SDK1: variants seen among roughly 807,000 people sequenced by gnomAD.
SDK1 encodes protein sidekick-1.
Under a neutral mutation model 245.5 loss-of-function variants are expected in SDK1, and 157 were observed. That is an observed-to-expected ratio of 0.64 (90% CI 0.56 to 0.73). SDK1 has a LOEUF of 0.73. Among genes scored for constraint, SDK1 ranks in the 30% least tolerant of loss-of-function variants. SDK1 has a pLI of 0.00. For missense variants in SDK1, 3,583 were observed against 3,002.3 expected (o/e 1.19, Z -4.52); for synonymous variants, 1,647 against 1,278.5 (o/e 1.29, Z -6.15).
chr7:3,707,372 T>G (rs1433829893), intron 4 of SDK1, among the ~76,000 whole-genome samples: 1 of 152,264 alleles, frequency 6.6e-6, no homozygotes, highest in East Asian at 1.9e-4. Flanking sequence ...AGGTTCCTTT[T>G]GTAGTTCATT....
At chr7:4,143,623 C>T (rs186907036) in intron 28 of SDK1, among the ~76,000 whole-genome samples, 17 of 152,284 alleles carry the variant, frequency 1.1e-4, no homozygotes, top group South Asian at 2.1e-4. Context: ...TTGAAGGGCC[C>T]GCTAGCTTCT....
intron 5 of SDK1, among the ~76,000 whole-genome samples, chr7:3,823,372 A>C (rs1228892129): frequency 6.6e-6 from 1 of 152,198 alleles, no homozygotes; most frequent in African/African-American, 2.4e-5. Flanking sequence ...GAAATTCTGC[A>C]TCAGAAACAA....
At chr7:3,844,045 A>C (rs1780220134) in intron 5 of SDK1, among the ~76,000 whole-genome samples, 1 of 152,102 alleles carries the variant, frequency 6.6e-6, no homozygotes, top group South Asian at 2.1e-4. Context: ...ATCTCTACTC[A>C]CTGCAACCTC....
At chr7:3,350,198 T>C (rs1562432721) in intron 1 of SDK1, among the ~76,000 whole-genome samples, 1 of 152,136 alleles carries the variant, frequency 6.6e-6, no homozygotes, top group Non-Finnish European at 1.5e-5. Context: ...ACTCAGTCTA[T>C]CAGAAAACAT....
rs745992082 is a variant in SDK1, at chr7:4,077,072, G to T, written c.3085G>T (p.Glu1029Ter). The change falls in exon 21 of 45, where the codon GAG becomes TAG. Residue 1029 changes from glutamate (E) to a stop codon, truncating the protein, a stop_gained. Transcript: ENST00000404826. LOFTEE classifies it high-confidence loss of function. ...LTHTLNSTTHEYKIQGLSSLT... is the reference protein window; with the variant it reads ...LTHTLNSTTH ...GCACACCCTGAACAGCACGACGCAC[G>T]AGTACAAGATCCAAGGCCTCTCATC... The T allele has an allele frequency of 3.1e-6, 5 of 1,614,184 alleles. No individual in the cohort carries two copies. Among genetic ancestry groups the T allele is most frequent in the Non-Finnish European group, 4.2e-6 (5 of 1,180,032 alleles).
rs74727666 is a variant in SDK1, at chr7:3,740,708, T to A, written c.714-80742T>A. ...GGGAATAGGGCAAGTTAAAACACTT[T>A]ATAGTTTGCTTATTCTTAACAAGAT... On this transcript the variant is annotated intron_variant, in intron 4 of 44. Transcript: ENST00000404826. 1.3e-3 allele frequency among the ~76,000 whole-genome samples: 199 copies of A among 152,316 alleles called. 7 individuals carry two copies. The East Asian group carries it at 0.034, about 26-fold the overall frequency.
At chr7:3,511,409 A>T (rs761148755) in intron 1 of SDK1, among the ~76,000 whole-genome samples, 3 of 152,228 alleles carry the variant, frequency 2.0e-5, no homozygotes, top group Non-Finnish European at 4.4e-5. Context: ...GGAAGTTTAA[A>T]TTACTTAAAG....
At chr7:3,560,192 T>A (rs1409878249) in intron 1 of SDK1, among the ~76,000 whole-genome samples, 3 of 152,240 alleles carry the variant, frequency 2.0e-5, no homozygotes, top group African/African-American at 7.2e-5. Flanking sequence ...CAAAATACAC[T>A]GTTTATCTTG....
chr7:3,492,453 C>T (rs1781893255), intron 1 of SDK1, among the ~76,000 whole-genome samples: 1 of 152,214 alleles, frequency 6.6e-6, no homozygotes, highest in Non-Finnish European at 1.5e-5. Flanking sequence ...GAGATCACGC[C>T]ACCACACTCC....
intron 22 of SDK1, among the ~76,000 whole-genome samples, chr7:4,094,358 G>A (rs773522251): frequency 3.9e-5 from 6 of 152,258 alleles, no homozygotes; most frequent in African/African-American, 7.2e-5. Context: ...CACCGCGCCC[G>A]GCCCAGCCGG....
chr7:3,967,341 C>T lies in SDK1; in HGVS notation c.1453C>T (p.Arg485Trp), dbSNP rs35393929. Residue 485 changes from arginine (R) to tryptophan (W), a missense_variant, in exon 10 of 45, where the codon CGG (arginine) becomes TGG (tryptophan). Arg to Trp is a moderately radical substitution (Grantham distance 101, BLOSUM62 -3). Transcript: ENST00000404826. ...VTNIAPVFTQ[R>W]PVDTTVTDGM... ...AGATATCGCTCCAGTGTTCACCCAG[C>T]GGCCAGTGGACACCACAGTTACTGA... The T allele has an allele frequency of 5.4e-5, 87 of 1,613,854 alleles. 1 individual carries two copies. In the South Asian group the frequency reaches 6.4e-4, roughly 12 times the overall value.
intron 5 of SDK1, among the ~76,000 whole-genome samples, chr7:3,890,553 A>G (rs947686044): frequency 2.6e-5 from 4 of 152,114 alleles, no homozygotes; most frequent in African/African-American, 7.2e-5. Context: ...TGCTGTATGC[A>G]ATTATAAGAA....
chr7:3,351,247 G>A (rs1360611994), intron 1 of SDK1, among the ~76,000 whole-genome samples: 1 of 152,022 alleles, frequency 6.6e-6, no homozygotes, highest in Non-Finnish European at 1.5e-5. Flanking sequence ...CTTTCAACTA[G>A]AAGCATGAGA....
intron 1 of SDK1, among the ~76,000 whole-genome samples, chr7:3,553,913 G>C (rs1250749573): frequency 1.3e-5 from 2 of 152,288 alleles, no homozygotes; most frequent in Middle Eastern, 6.8e-3. Flanking sequence ...AGGGACCCGT[G>C]GGAGCCCCCA....
At position 4,268,546 on chromosome 7, in the gene SDK1, C is replaced by T. The variant is rs1018949310; in HGVS notation, c.*3162C>T. 4.7e-6 allele frequency: 6 copies of T among 1,288,420 alleles called. No individual in the cohort carries two copies. The highest frequency in any genetic ancestry group is 2.2e-5 in the Admixed American group (1 of 45,776). The allele number at this position is 1,288,420 out of a possible 1,614,324, so 79.8% of individuals were successfully genotyped here. A position where few individuals can be genotyped will look rare whatever the true frequency, so the allele number is the denominator to read the frequency against. On this transcript the variant is annotated 3_prime_UTR_variant, in exon 45 of 45. Transcript: ENST00000404826. ...CACACACGGAACGCGCCTCCACAGC[C>T]CCGGGAGGTGGCTCACTCTGTACAG...
intron 1 of SDK1, among the ~76,000 whole-genome samples, chr7:3,591,245 T>C (rs959370090): frequency 2.6e-5 from 4 of 152,236 alleles, no homozygotes; most frequent in South Asian, 4.1e-4. Flanking sequence ...GGATTACCTT[T>C]TTCCTTTTGC....
At chr7:4,261,182 C>G (rs1354403074) in intron 44 of SDK1, among the ~76,000 whole-genome samples, 1 of 152,182 alleles carries the variant, frequency 6.6e-6, no homozygotes, top group Non-Finnish European at 1.5e-5. Flanking sequence ...GGCTCCGGGA[C>G]AGATCCAAGT....
intron 4 of SDK1, among the ~76,000 whole-genome samples, chr7:3,747,915 A>T (rs1411682468): frequency 6.6e-6 from 1 of 152,128 alleles, no homozygotes. Flanking sequence ...GGGTCACAGC[A>T]CCTTTTAGGA....
intron 5 of SDK1, among the ~76,000 whole-genome samples, chr7:3,822,582 C>T (rs1290085861): frequency 6.6e-6 from 1 of 151,868 alleles, no homozygotes; most frequent in East Asian, 1.9e-4. Context: ...CCAGCCTGGT[C>T]AACATGGTGA....
Sources: allele counts gnomAD v4.1 joint callset (sites outside exome capture counted in the v4.1 genomes callset), GRCh38; gene constraint gnomAD v4.1.1; transcripts MANE v1.5; gene names NCBI Gene and HGNC (gene_info 2026-07-23, HGNC 2026-07-21).